The following DDR2 variants were observed in gnomAD, a reference collection of about 807,000 sequenced individuals.
The protein encoded by DDR2 is discoidin domain receptor tyrosine kinase 2, also known as discoidin domain-containing receptor 2.
Under a neutral mutation model 94.9 loss-of-function variants are expected in DDR2, and 27 were observed. That is an observed-to-expected ratio of 0.28 (90% CI 0.21 to 0.39). The LOEUF (loss-of-function observed/expected upper bound fraction) is 0.39. Among genes scored for constraint, DDR2 ranks in the 10% least tolerant of loss-of-function variants. The pLI, the probability that DDR2 is intolerant of heterozygous loss-of-function variation, is 1.00. For synonymous variants in DDR2, 382 were observed against 377.2 expected (o/e 1.01, Z -0.15); for missense variants, 783 against 1,076.0 (o/e 0.73, Z 3.81).
intron 3 of DDR2, among the ~76,000 whole-genome samples, chr1:162,749,615 C>T (rs918242618): frequency 3.9e-5 from 6 of 152,256 alleles, no homozygotes; most frequent in Non-Finnish European, 8.8e-5. Flanking sequence ...GAAACTATTC[C>T]AGTCAATAGA....
chr1:162,677,943 A>AT (rs1558021443), intron 2 of DDR2, among the ~76,000 whole-genome samples: 1 of 151,916 alleles, frequency 6.6e-6, no homozygotes, highest in Non-Finnish European at 1.5e-5. Context: ...AGGTTTTTTT[A>AT]TTTTTTATTT....
At chr1:162,777,910 T>G (rs1406027295) in intron 16 of DDR2, 1 of 154,310 alleles carries the variant, frequency 6.5e-6, no homozygotes, top group Non-Finnish European at 1.4e-5. Flanking sequence ...CCAGCCCAGG[T>G]CAGAAACAGA....
intron 2 of DDR2, among the ~76,000 whole-genome samples, chr1:162,656,859 G>GTTTTTTTTTT (rs200020368): frequency 9.3e-6 from 1 of 107,208 alleles, no homozygotes. Context: ...TATTTTTTTT[G>GTTTTTTTTTT]TTAACAGGGT....
chr1:162,702,042 G>A (rs891101329), intron 2 of DDR2, among the ~76,000 whole-genome samples: 3 of 152,248 alleles, frequency 2.0e-5, no homozygotes, highest in East Asian at 1.9e-4. Context: ...TGGAGATACA[G>A]CTTTCTAGTC....
At chr1:162,763,694 G>T (rs553461934) in intron 9 of DDR2, among the ~76,000 whole-genome samples, 1 of 151,850 alleles carries the variant, frequency 6.6e-6, no homozygotes, top group Non-Finnish European at 1.5e-5. Flanking sequence ...ACACAAACTG[G>T]GTAGTAGGGA....
At position 162,770,329 on chromosome 1, in the gene DDR2, A is replaced by G; in HGVS notation, c.1321A>G (p.Met441Val). Reference sequence around the variant, plus strand: ...TTCTCGGAGGATGCTGGATGATGAAATGACAGTCAGCCTTTCCCTGCCAAG... The same window carrying G: ...TTCTCGGAGGATGCTGGATGATGAAGTGACAGTCAGCCTTTCCCTGCCAAG... Reference protein sequence around the residue: ...KASRRMLDDEMTVSLSLPSDS... With the variant: ...KASRRMLDDEVTVSLSLPSDS... Residue 441 changes from methionine (M) to valine (V), a missense_variant, in exon 12 of 18, where the codon ATG becomes GTG. By Grantham distance (21) the Met-to-Val change is conservative. This residue lies in a region of DDR2 where 519 missense variants were observed against 647.9 expected (regional missense o/e 0.80). Transcript: ENST00000367921. 6.2e-7 allele frequency: 1 copy of G among 1,614,036 alleles called. No homozygotes were observed. The highest frequency in any genetic ancestry group is 8.5e-7 in the Non-Finnish European group (1 of 1,179,988).
chr1:162,755,493 G>C (rs924308380), intron 6 of DDR2, among the ~76,000 whole-genome samples, 171 bp from the exon 7 acceptor site: 10 of 152,286 alleles, frequency 6.6e-5, no homozygotes, highest in African/African-American at 1.9e-4. Flanking sequence ...CATGCATTCA[G>C]AGTCATTACG....
chr1:162,722,892 A>T (rs1195969017), intron 3 of DDR2, among the ~76,000 whole-genome samples: 1 of 152,218 alleles, frequency 6.6e-6, no homozygotes, highest in Non-Finnish European at 1.5e-5. Flanking sequence ...TTGGAAGTAT[A>T]GCCCCTGAAG....
intron 2 of DDR2, among the ~76,000 whole-genome samples, chr1:162,710,149 AT>A (rs1660832649): frequency 6.6e-6 from 1 of 152,164 alleles, no homozygotes; most frequent in Non-Finnish European, 1.5e-5. Flanking sequence ...TAAGATAGCC[AT>A]CTAGCACTTT....
chr1:162,663,828 A>G (rs549971805), intron 2 of DDR2, among the ~76,000 whole-genome samples: 1 of 152,296 alleles, frequency 6.6e-6, no homozygotes, highest in East Asian at 1.9e-4. Context: ...CCAAGGGAAG[A>G]TAATGAGAAA....
intron 2 of DDR2, among the ~76,000 whole-genome samples, chr1:162,717,737 A>C (rs138261647): frequency 2.0e-5 from 3 of 152,302 alleles, no homozygotes; most frequent in African/African-American, 7.2e-5. Context: ...TTTGGGAGGA[A>C]GTCCACAGAG....
In DDR2 at chr1:162,644,803, C is replaced by T. The variant is rs140989164; in HGVS notation, c.-191-10408C>T. Reference sequence around the variant, plus strand: ...CAGACAGGGGGTTTCACTCTGTTGGCCAGGCTGGTCTCGAACTCCTGACCT... The same window carrying T: ...CAGACAGGGGGTTTCACTCTGTTGGTCAGGCTGGTCTCGAACTCCTGACCT... On this transcript the variant is annotated intron_variant, in intron 1 of 17. Coordinates refer to ENST00000367921, the MANE Select transcript of DDR2 (RefSeq NM_006182.4). 5.7e-3 allele frequency among the ~76,000 whole-genome samples: 864 copies of T among 152,210 alleles called. 9 individuals carry two copies. The highest frequency in any genetic ancestry group is 0.02 in the African/African-American group (810 of 41,530).
At chr1:162,698,851 A>G (rs1011555446) in intron 2 of DDR2, among the ~76,000 whole-genome samples, 6 of 152,144 alleles carry the variant, frequency 3.9e-5, no homozygotes, top group South Asian at 2.1e-4. Flanking sequence ...CCCACAATTC[A>G]TAGCCTCCTA....
intron 12 of DDR2, among the ~76,000 whole-genome samples, chr1:162,771,773 C>T (rs1276505663): frequency 6.6e-6 from 1 of 152,182 alleles, no homozygotes; most frequent in Non-Finnish European, 1.5e-5. Flanking sequence ...CACAATTCCA[C>T]AAGTTTAGCC....
chr1:162,771,954 A>G (rs1647247137), intron 12 of DDR2, 70 bp from the exon 13 acceptor site: 9 of 1,503,966 alleles, frequency 6.0e-6, no homozygotes, highest in Non-Finnish European at 9.0e-7. Flanking sequence ...CCCTCCTCTC[A>G]GAGTTCCTTC....
chr1:162,770,424 T>A lies in DDR2; in HGVS notation c.1416T>A (p.Asp472Glu). The stretch of plus-strand genomic sequence containing the variant: ...AACAAGGGTCCAACTCGACTTACGA[T>A]CGCATCTTTCCCCTTCGCCCTGACT... The part of the protein sequence containing the change: ...PSEQGSNSTY[D>E]RIFPLRPDYQ... Residue 472 changes from aspartate (D) to glutamate (E), a missense_variant, in exon 12 of 18, where the codon GAT becomes GAA. Asp to Glu is a conservative substitution (Grantham distance 45). Around this residue, in one of 2 missense-constraint regions of DDR2, gnomAD observed 519 missense variants for 647.9 expected, o/e 0.80. Transcript: ENST00000367921. 1 of 1,614,056 alleles carries A rather than the reference T, an allele frequency of 6.2e-7. No homozygotes were observed. The highest frequency in any genetic ancestry group is 1.1e-5 in the South Asian group (1 of 91,062).
chr1:162,723,148 G>A (rs1389965256), intron 3 of DDR2, among the ~76,000 whole-genome samples: 1 of 152,176 alleles, frequency 6.6e-6, no homozygotes, highest in East Asian at 1.9e-4. Flanking sequence ...CTGCTCCAGA[G>A]CATCTTTTGC....
At chr1:162,742,489 A>G (rs1221478870) in intron 3 of DDR2, among the ~76,000 whole-genome samples, 1 of 152,220 alleles carries the variant, frequency 6.6e-6, no homozygotes, top group Non-Finnish European at 1.5e-5. Flanking sequence ...AAGGGACTGC[A>G]CACTCTTAAA....
At chr1:162,677,212 C>T (rs1396405452) in intron 2 of DDR2, among the ~76,000 whole-genome samples, 1 of 152,092 alleles carries the variant, frequency 6.6e-6, no homozygotes, top group Non-Finnish European at 1.5e-5. Flanking sequence ...CAAACTATTG[C>T]ATTTTTCTTT....
Sources: allele counts gnomAD v4.1 joint callset (sites outside exome capture counted in the v4.1 genomes callset), GRCh38; gene constraint gnomAD v4.1.1; regional missense constraint gnomAD v4.1.1; transcripts MANE v1.5; gene names NCBI Gene and HGNC (gene_info 2026-07-23, HGNC 2026-07-21).